CCDC66: variants seen among roughly 807,000 people sequenced by gnomAD.
CCDC66 encodes coiled-coil domain containing 66, also known as coiled-coil domain-containing protein 66.
Under a neutral mutation model 128.3 loss-of-function variants are expected in CCDC66, and 133 were observed. The observed-to-expected ratio is 1.04, with a 90% CI of 0.90 to 1.20. The LOEUF (loss-of-function observed/expected upper bound fraction) is 1.20, where lower values mean the gene tolerates loss of function less well. Among genes scored for constraint, CCDC66 ranks in the 50% most tolerant of loss-of-function variants. The pLI is 0.00. For synonymous variants in CCDC66, 387 were observed against 357.0 expected, an observed-to-expected ratio of 1.08 and a Z score of -0.95; for missense variants, 1,126 against 1,075.5, an observed-to-expected ratio of 1.05 and a Z score of -0.66.
chr3:56,602,131 T>G (rs4635676), intron 10 of CCDC66, among the ~76,000 whole-genome samples: 4,918 of 152,068 alleles, frequency 0.032, 120 homozygotes, highest in Middle Eastern at 0.078. Flanking sequence ...TTATTATTTT[T>G]AGATACGTTC....
intron 7 of CCDC66, among the ~76,000 whole-genome samples, chr3:56,573,321 G>T (rs2066889924): frequency 6.6e-6 from 1 of 152,162 alleles, no homozygotes; most frequent in South Asian, 2.1e-4. Context: ...TTGGAAAGGA[G>T]AACTTTATTT....
intron 10 of CCDC66, among the ~76,000 whole-genome samples, chr3:56,597,078 ATGG>A (rs1262341896): frequency 6.6e-6 from 1 of 151,850 alleles, no homozygotes; most frequent in Non-Finnish European, 1.5e-5. Context: ...TTTTTTGAAT[ATGG>A]TGAGAGATGG....
At chr3:56,602,015 G>C (rs1025169964) in intron 10 of CCDC66, among the ~76,000 whole-genome samples, 3 of 152,062 alleles carry the variant, frequency 2.0e-5, no homozygotes, top group African/African-American at 7.3e-5. Context: ...TGTTGAATAG[G>C]AGTGGAGAGA....
At chr3:56,600,586 C>T (rs1393800556) in intron 10 of CCDC66, among the ~76,000 whole-genome samples, 6 of 152,122 alleles carry the variant, frequency 3.9e-5, no homozygotes, top group South Asian at 2.1e-4. Flanking sequence ...AACTAATTTA[C>T]GCTCCCACCA....
chr3:56,574,220 G>C lies in CCDC66; in HGVS notation c.936+2918G>C, dbSNP rs182314491. 2.0e-3 allele frequency among the ~76,000 whole-genome samples: 298 copies of C among 151,684 alleles called. 3 individuals carry two copies. The highest frequency in any genetic ancestry group is 3.2e-3 in the Non-Finnish European group (217 of 67,992). On this transcript the variant is annotated intron_variant, in intron 7 of 17. Transcript: ENST00000394672. ...CTGCTAAAAATACAAAAATTAGCTG[G>C]ACATGGTGGCACGTGCCTGTAGTCC...
intron 14 of CCDC66, chr3:56,617,810 TC>T: frequency 1.6e-6 from 1 of 618,158 alleles, no homozygotes; most frequent in South Asian, 2.2e-5. Context: ...TTATGAATTG[TC>T]TGTGGCTGAC....
chr3:56,565,299 G>A (rs6799086), intron 4 of CCDC66: 155,955 of 184,966 alleles, frequency 0.84, 66,365 homozygotes, highest in Non-Finnish European at 0.9. Flanking sequence ...TTTGAGATGG[G>A]GTCTCGCTTT....
chr3:56,567,438 A>G (rs2066011690), intron 6 of CCDC66, among the ~76,000 whole-genome samples: 1 of 152,222 alleles, frequency 6.6e-6, no homozygotes, highest in East Asian at 1.9e-4. Flanking sequence ...TTTAGGGGCC[A>G]AGGGAAAACG....
chr3:56,615,714 C>T (rs2075408409), intron 12 of CCDC66, among the ~76,000 whole-genome samples: 1 of 151,786 alleles, frequency 6.6e-6, no homozygotes, highest in Non-Finnish European at 1.5e-5. Flanking sequence ...AAAATGTGTA[C>T]TTTTTGTGTC....
At position 56,557,193 on chromosome 3, in the gene CCDC66, A is replaced by G. The variant is rs150427964; in HGVS notation, c.-50A>G. 1.2e-3 allele frequency: 1,897 copies of G among 1,551,084 alleles called. 14 individuals carry two copies. In the African/African-American group the frequency reaches 0.017, roughly 14 times the overall value. The stretch of plus-strand genomic sequence containing the variant: ...GCTTGCTGAGCGGCGGCGGCAACCG[A>G]CGTACACAAGGGGCTTGAGCGTTCT... On this transcript the variant is annotated 5_prime_UTR_variant, in exon 1 of 18. Coordinates refer to ENST00000394672, the MANE Select transcript of CCDC66 (RefSeq NM_001141947.3).
At position 56,564,101 on chromosome 3, in the gene CCDC66, A is replaced by C; in HGVS notation, c.520A>C (p.Thr174Pro). ...VNQGNRSLSL[T>P]ENGKEAKSQY... ...CCAAGGAAATAGATCTCTTTCCCTGACTGAGAATGGAAAGGAGGCAAAAAG... is the reference window on the plus strand; with the variant it reads ...CCAAGGAAATAGATCTCTTTCCCTGCCTGAGAATGGAAAGGAGGCAAAAAG... Residue 174 changes from threonine to proline, a missense_variant, in exon 4 of 18, where the codon ACT (threonine) becomes CCT (proline). By Grantham distance (38) the Thr-to-Pro change is conservative (BLOSUM62 -1). Coordinates refer to ENST00000394672, the MANE Select transcript of CCDC66 (RefSeq NM_001141947.3). The C allele has an allele frequency of 1.3e-6, 2 of 1,597,982 alleles. No homozygotes were observed. Among genetic ancestry groups the C allele is most frequent in the Non-Finnish European group, 1.7e-6 (2 of 1,172,772 alleles).
intron 16 of CCDC66, 112 bp from the exon 17 acceptor site, chr3:56,619,665 A>G: frequency 6.7e-7 from 1 of 1,486,620 alleles, no homozygotes; most frequent in Non-Finnish European, 9.0e-7. Context: ...TTTTCTTAGT[A>G]CTTTCCTAGG....
chr3:56,578,321 G>A (rs2067734062), intron 7 of CCDC66, among the ~76,000 whole-genome samples: 2 of 151,568 alleles, frequency 1.3e-5, no homozygotes, highest in African/African-American at 4.8e-5. Flanking sequence ...GAGATGATGG[G>A]GTTTTCTAAA....
intron 10 of CCDC66, among the ~76,000 whole-genome samples, chr3:56,602,269 C>T (rs2073304265): frequency 6.6e-6 from 1 of 151,912 alleles, no homozygotes; most frequent in Non-Finnish European, 1.5e-5. Context: ...GAATAGATTA[C>T]GTTTACTGAT....
chr3:56,565,812 G>A (rs943568241), intron 4 of CCDC66, among the ~76,000 whole-genome samples: 14 of 150,278 alleles, frequency 9.3e-5, no homozygotes, highest in Non-Finnish European at 1.6e-4. Flanking sequence ...GACTACAGGC[G>A]CCCGCCACCA....
At chr3:56,573,629 A>C (rs1364833600) in intron 7 of CCDC66, among the ~76,000 whole-genome samples, 1 of 152,194 alleles carries the variant, frequency 6.6e-6, no homozygotes, top group Non-Finnish European at 1.5e-5. Flanking sequence ...CAAAAAGTAA[A>C]GCAGAGGACA....
chr3:56,598,661 A>G (rs2072576957), intron 10 of CCDC66, among the ~76,000 whole-genome samples: 1 of 151,984 alleles, frequency 6.6e-6, no homozygotes, highest in South Asian at 2.1e-4. Flanking sequence ...TTTCTTGTCT[A>G]CTGAGATGAT....
intron 10 of CCDC66, 80 bp from the exon 11 acceptor site, chr3:56,613,509 G>C: frequency 2.0e-6 from 3 of 1,505,564 alleles, no homozygotes; most frequent in African/African-American, 1.4e-5. Context: ...AGCACTGAAT[G>C]TATCTAGTCA....
At chr3:56,621,221 G>GTATC (rs1213716717) in intron 17 of CCDC66, 1 of 201,302 alleles carries the variant, frequency 5.0e-6, no homozygotes, top group Non-Finnish European at 1.0e-5. Context: ...GACTCCTTCA[G>GTATC]TATCTAAGAG....
Sources: allele counts gnomAD v4.1 joint callset (sites outside exome capture counted in the v4.1 genomes callset), GRCh38; gene constraint gnomAD v4.1.1; transcripts MANE v1.5; gene names NCBI Gene and HGNC (gene_info 2026-07-23, HGNC 2026-07-21).